Variants in NEXN observed in about 807,000 individuals in gnomAD.
The protein encoded by NEXN is nexilin.
A neutral mutation model predicts 92.6 loss-of-function variants in NEXN; 65 were observed. The observed-to-expected ratio is 0.70, with a 90% CI of 0.57 to 0.86. The LOEUF is 0.86. NEXN is among the 40% of genes least tolerant of loss of function. The pLI is 0.00. For synonymous variants in NEXN, 254 were observed against 242.5 expected (o/e 1.05, Z -0.44); for missense variants, 778 against 771.1 (o/e 1.01, Z -0.11).
intron 1 of NEXN, among the ~76,000 whole-genome samples, chr1:77,908,102 G>T (rs1342951433): frequency 6.6e-6 from 1 of 151,938 alleles, no homozygotes; most frequent in Non-Finnish European, 1.5e-5. Flanking sequence ...TTTAAAGACA[G>T]TCTCATGCTT....
At chr1:77,911,373 C>T (rs1221876824) in intron 1 of NEXN, among the ~76,000 whole-genome samples, 1 of 152,170 alleles carries the variant, frequency 6.6e-6, no homozygotes, top group Non-Finnish European at 1.5e-5. Flanking sequence ...AGGTGGATTA[C>T]CTGAGGTCAG....
intron 1 of NEXN, among the ~76,000 whole-genome samples, chr1:77,907,070 A>G (rs1311516549): frequency 6.6e-6 from 1 of 152,250 alleles, no homozygotes; most frequent in Non-Finnish European, 1.5e-5. Context: ...AGACTTAACA[A>G]ATGTTAACTT....
At chr1:77,924,657 GTTTT>G (rs901036538) in intron 5 of NEXN, among the ~76,000 whole-genome samples, 1 of 37,710 alleles carries the variant, frequency 2.7e-5, no homozygotes, top group African/African-American at 1.0e-4. Flanking sequence ...AATTTTTTCT[GTTTT>G]TTTTTCTTTT....
chr1:77,917,421 T>G (rs1649060406), intron 2 of NEXN, 145 bp from the exon 3 acceptor site: 2 of 648,240 alleles, frequency 3.1e-6, no homozygotes, highest in African/African-American at 3.7e-5. Flanking sequence ...CTAATCAGGT[T>G]GTGATGGTCA....
intron 5 of NEXN, among the ~76,000 whole-genome samples, chr1:77,920,459 T>C (rs1382164945): frequency 6.6e-6 from 1 of 151,708 alleles, no homozygotes; most frequent in Non-Finnish European, 1.5e-5. Flanking sequence ...GATCTTATAA[T>C]GAATTAAAAA....
chr1:77,911,191 A>G (rs1648549906), intron 1 of NEXN, among the ~76,000 whole-genome samples: 1 of 152,206 alleles, frequency 6.6e-6, no homozygotes, highest in African/African-American at 2.4e-5. Context: ...CTGAAAATCT[A>G]AAATCCAAAT....
At chr1:77,931,874 T>G (rs1650340822) in intron 9 of NEXN, 1 of 152,212 alleles carries the variant, frequency 6.6e-6, no homozygotes, top group Admixed American at 6.5e-5. Context: ...TGTGTGTATT[T>G]CAACCACAGA....
In NEXN at chr1:77,942,911, T is replaced by C. The variant is rs757337785; in HGVS notation, c.*82T>C. ...CTTCTCTTTTTTAGCTGATGACTACTAGCTCCCCTCCCCTCTCCCTGGAAC... is the reference window on the plus strand; with the variant it reads ...CTTCTCTTTTTTAGCTGATGACTACCAGCTCCCCTCCCCTCTCCCTGGAAC... On this transcript the variant is annotated 3_prime_UTR_variant, in exon 13 of 13. Transcript: ENST00000334785. The C allele has an allele frequency of 3.4e-6, 5 of 1,487,494 alleles. No individual in the cohort carries two copies. The South Asian group carries it at 3.7e-5, about 11-fold the overall frequency. 92.1% of individuals were successfully genotyped at this position (1,487,494 alleles called of 1,614,324 possible).
chr1:77,892,790 CT>C (rs1223732180), intron 1 of NEXN, among the ~76,000 whole-genome samples: 2 of 152,022 alleles, frequency 1.3e-5, no homozygotes, highest in Non-Finnish European at 2.9e-5. Flanking sequence ...AAATAAAATA[CT>C]TTCCCTGGTG....
intron 6 of NEXN, among the ~76,000 whole-genome samples, chr1:77,925,479 T>C (rs949984343): frequency 1.3e-5 from 2 of 152,212 alleles, no homozygotes; most frequent in African/African-American, 4.8e-5. Flanking sequence ...TAGTCTCAGT[T>C]TGAGATACTC....
In NEXN at chr1:77,942,641, A is replaced by T; in HGVS notation, c.1840A>T (p.Thr614Ser). The T allele has an allele frequency of 6.2e-7, 1 of 1,613,786 alleles. No individual in the cohort carries two copies. Among genetic ancestry groups the T allele is most frequent in the Non-Finnish European group, 8.5e-7 (1 of 1,179,726 alleles). ...KVTGEPKPEI[T>S]WWFEGEILQD... Reference sequence around the variant, plus strand: ...AACAGGAGAACCCAAACCAGAAATTACATGGTGGTTTGAAGGAGAAATACT... The same window carrying T: ...AACAGGAGAACCCAAACCAGAAATTTCATGGTGGTTTGAAGGAGAAATACT... Residue 614 changes from threonine to serine, a missense_variant, in exon 13 of 13, where the codon ACA becomes TCA. Physicochemically the swap from Thr to Ser is moderately conservative, Grantham distance 58 (BLOSUM62 1). Around this residue, in one of 3 missense-constraint regions of NEXN, gnomAD observed 532 missense variants for 476.7 expected, o/e 1.12. Coordinates refer to ENST00000334785, the MANE Select transcript of NEXN (RefSeq NM_144573.4).
chr1:77,897,992 T>C (rs1375307934), intron 1 of NEXN, among the ~76,000 whole-genome samples: 1 of 152,110 alleles, frequency 6.6e-6, no homozygotes, highest in Non-Finnish European at 1.5e-5. Flanking sequence ...TACAAACCAC[T>C]GCTCAATGAA....
At chr1:77,898,312 G>T (rs1475053477) in intron 1 of NEXN, among the ~76,000 whole-genome samples, 1 of 152,150 alleles carries the variant, frequency 6.6e-6, no homozygotes, top group Non-Finnish European at 1.5e-5. Flanking sequence ...CCAAAACAGA[G>T]ATATAGATCA....
rs976509777 is a variant in NEXN, at chr1:77,927,328, A to G, written c.864+436A>G. 2.0e-5 allele frequency among the ~76,000 whole-genome samples: 3 copies of G among 152,158 alleles called. No individual in the cohort carries two copies. In the East Asian group the frequency reaches 5.8e-4, roughly 29 times the overall value. ...TTCACTCTGGGGCATTTTACCCAAT[A>G]TGCTTTAAATTTTTATTTTTATACA... is the stretch of plus-strand genomic sequence containing the variant. On this transcript the variant is annotated intron_variant, in intron 8 of 12. Transcript: ENST00000334785.
chr1:77,916,017 T>C lies in NEXN; in HGVS notation c.-52-38T>C, dbSNP rs144997319. On this transcript the variant is annotated intron_variant, in intron 1 of 12. Coordinates refer to ENST00000334785, the MANE Select transcript of NEXN (RefSeq NM_144573.4). ...ATAAAAATACATAATATATTACAAA[T>C]AAATTAAAATTTATTATACAATATA... 7.0e-6 allele frequency: 5 copies of C among 714,820 alleles called. No homozygotes were observed. In the African/African-American group the frequency reaches 9.5e-5, roughly 14 times the overall value. The allele number at this position is 714,820 out of a possible 1,614,324, so 44.3% of individuals were successfully genotyped here. A position where few individuals can be genotyped will look rare whatever the true frequency, so the allele number is the denominator to read the frequency against.
At chr1:77,893,448 A>T (rs1017188273) in intron 1 of NEXN, among the ~76,000 whole-genome samples, 15 of 152,156 alleles carry the variant, frequency 9.9e-5, no homozygotes, top group Admixed American at 9.8e-4. Flanking sequence ...CTGGTTGTTC[A>T]TGGTATTTAG....
chr1:77,908,073 A>AC (rs1648259034), intron 1 of NEXN, among the ~76,000 whole-genome samples: 1 of 151,692 alleles, frequency 6.6e-6, no homozygotes. Context: ...ACAGAGTGAG[A>AC]CCCCTGTCTC....
intron 1 of NEXN, among the ~76,000 whole-genome samples, chr1:77,897,423 A>C (rs1235784976): frequency 6.6e-6 from 1 of 152,256 alleles, no homozygotes. Flanking sequence ...TGATTATTTC[A>C]ATAGATGCAG....
intron 11 of NEXN, among the ~76,000 whole-genome samples, chr1:77,939,010 T>C (rs1651028347): frequency 1.3e-5 from 2 of 152,146 alleles, no homozygotes; most frequent in South Asian, 2.1e-4. Context: ...AGTAATAAAA[T>C]ATTTATGTTT....
Sources: allele counts gnomAD v4.1 joint callset (sites outside exome capture counted in the v4.1 genomes callset), GRCh38; gene constraint gnomAD v4.1.1; regional missense constraint gnomAD v4.1.1; transcripts MANE v1.5; gene names NCBI Gene and HGNC (gene_info 2026-07-23, HGNC 2026-07-21).